The following MPHOSPH9 variants were observed in gnomAD, a reference collection of about 807,000 sequenced individuals.
The protein encoded by MPHOSPH9 is M-phase phosphoprotein 9.
Under a neutral mutation model 145.5 loss-of-function variants are expected in MPHOSPH9, and 88 were observed. That is an observed-to-expected ratio of 0.60 (90% CI 0.51 to 0.72). MPHOSPH9 has a LOEUF of 0.72. Among genes scored for constraint, MPHOSPH9 ranks in the 30% least tolerant of loss-of-function variants. MPHOSPH9 has a pLI of 0.00. For missense variants in MPHOSPH9, 1,238 were observed against 1,386.6 expected, an observed-to-expected ratio of 0.89 and a Z score of 1.70; for synonymous variants, 435 against 486.2, an observed-to-expected ratio of 0.89 and a Z score of 1.39.
intron 6 of MPHOSPH9, 55 bp downstream of exon 6, chr12:123,218,321 A>ATGAACACTCATG: frequency 6.2e-7 from 1 of 1,606,040 alleles, no homozygotes; most frequent in South Asian, 1.1e-5. Flanking sequence ...AGCGTGTACT[A>ATGAACACTCATG]AACCCACATA....
intron 16 of MPHOSPH9, among the ~76,000 whole-genome samples, chr12:123,169,803 G>A (rs1183176991): frequency 6.6e-6 from 1 of 151,776 alleles, no homozygotes; most frequent in African/African-American, 2.4e-5. Context: ...GTTTCACCAT[G>A]TTGGCCAAAC....
chr12:123,228,838 A>G (rs894617344), intron 2 of MPHOSPH9, among the ~76,000 whole-genome samples: 2 of 152,260 alleles, frequency 1.3e-5, no homozygotes, highest in Non-Finnish European at 2.9e-5. Flanking sequence ...AGGCACAGTT[A>G]GCTTCCTCCA....
At chr12:123,224,110 T>TTTTATATATATA (rs1555231852) in intron 3 of MPHOSPH9, among the ~76,000 whole-genome samples, 6 of 120,414 alleles carry the variant, frequency 5.0e-5, no homozygotes, top group East Asian at 5.8e-4. Context: ...AATTGCTAAT[T>TTTTATATATATA]TATATATATA....
intron 13 of MPHOSPH9, among the ~76,000 whole-genome samples, chr12:123,182,185 C>T (rs1196719303): frequency 6.6e-6 from 1 of 150,748 alleles, no homozygotes; most frequent in African/African-American, 2.4e-5. Flanking sequence ...ATGATCCGCC[C>T]GCCTCAGCCT....
chr12:123,164,033 G>A lies in MPHOSPH9; in HGVS notation c.2825C>T (p.Ala942Val), dbSNP rs1202417308. The A allele has an allele frequency of 6.2e-7, 1 of 1,613,950 alleles. No individual in the cohort carries two copies. The highest frequency in any genetic ancestry group is 8.5e-7 in the Non-Finnish European group (1 of 1,180,012). ...ATTAAGTCTCTTTTGTCTCTGTTGGGCACACTTTTCTGGAGAACGACTTGC... is the reference window on the plus strand; with the variant it reads ...ATTAAGTCTCTTTTGTCTCTGTTGGACACACTTTTCTGGAGAACGACTTGC... Reference protein sequence around the residue: ...VNASRSPEKCAQQRQKRLNSA... With the variant: ...VNASRSPEKCVQQRQKRLNSA... The change falls in exon 19 of 24, where the codon GCC (alanine) becomes GTC (valine). Residue 942 changes from alanine to valine, a missense_variant. Coordinates refer to ENST00000606320, the MANE Select transcript of MPHOSPH9 (RefSeq NM_022782.4).
chr12:123,236,235 TGA>T (rs1301964573), upstream of MPHOSPH9, among the ~76,000 whole-genome samples: 2 of 152,204 alleles, frequency 1.3e-5, no homozygotes, highest in African/African-American at 4.8e-5. Context: ...TAGGTCTTAC[TGA>T]GATAATCAGG....
Position 123,161,350 on chromosome 12 carries a change from T to C in MPHOSPH9, c.3167A>G (p.His1056Arg), listed in dbSNP as rs375073478. The C allele has an allele frequency of 5.6e-6, 9 of 1,614,102 alleles. No homozygotes were observed. The highest frequency in any genetic ancestry group is 1.6e-4 in the Middle Eastern group (1 of 6,062). Reference sequence around the variant, plus strand: ...TTCAGGGCAAGAGCTATGATTAACATGGTTATCGGTGGCTTTCTCAGAATA... The same window carrying C: ...TTCAGGGCAAGAGCTATGATTAACACGGTTATCGGTGGCTTTCTCAGAATA... Reference protein sequence around the residue: ...KTYSEKATDNHVNHSSCPEPV... With the variant: ...KTYSEKATDNRVNHSSCPEPV... The change falls in exon 22 of 24, where the codon CAT becomes CGT. Residue 1056 changes from histidine (H) to arginine (R), a missense_variant. His to Arg is a conservative substitution (Grantham distance 29). Around this residue, in one of 3 missense-constraint regions of MPHOSPH9, gnomAD observed 393 missense variants for 462.5 expected, o/e 0.85. Coordinates refer to ENST00000606320, the MANE Select transcript of MPHOSPH9 (RefSeq NM_022782.4).
At chr12:123,165,160 G>A (rs748268841) in intron 18 of MPHOSPH9, 142 bp downstream of exon 18, 103 of 666,158 alleles carry the variant, frequency 1.5e-4, no homozygotes, top group East Asian at 2.7e-4. Flanking sequence ...TCTATGAAAC[G>A]GGGCTGAAGT....
chr12:123,240,209 C>A (rs1430850230), intron 1 of MPHOSPH9, among the ~76,000 whole-genome samples: 48 of 135,006 alleles, frequency 3.6e-4, no homozygotes, highest in African/African-American at 1.2e-3. Flanking sequence ...ATTAAAAATA[C>A]AAAAAAAAAA....
chr12:123,231,461 C>T (rs2047630364), intron 1 of MPHOSPH9, among the ~76,000 whole-genome samples: 1 of 152,122 alleles, frequency 6.6e-6, no homozygotes, highest in Admixed American at 6.6e-5. Flanking sequence ...CCATAGCTTC[C>T]CCATTGTCTG....
intron 8 of MPHOSPH9, among the ~76,000 whole-genome samples, chr12:123,209,641 C>T (rs1457384911): frequency 6.6e-6 from 1 of 151,966 alleles, no homozygotes; most frequent in Non-Finnish European, 1.5e-5. Context: ...AACTCCTTAC[C>T]TCAGATGGTC....
At chr12:123,232,634 G>A (rs766875149) in intron 1 of MPHOSPH9, among the ~76,000 whole-genome samples, 1 of 152,256 alleles carries the variant, frequency 6.6e-6, no homozygotes, top group East Asian at 1.9e-4. Context: ...AGCCCGCAAT[G>A]GCTGGTGGCG....
At chr12:123,152,731 G>A (rs2043799664), downstream of MPHOSPH9, 2 of 352,726 alleles carry the variant, frequency 5.7e-6, no homozygotes, top group Non-Finnish European at 5.6e-6. Flanking sequence ...TCTTGGCAGG[G>A]CAGGAAATTA....
intron 16 of MPHOSPH9, among the ~76,000 whole-genome samples, chr12:123,167,511 G>A (rs1035433547): frequency 2.6e-5 from 4 of 152,150 alleles, no homozygotes; most frequent in Non-Finnish European, 5.9e-5. Context: ...CCTGCAACAT[G>A]CTCCTGTAAC....
intron 13 of MPHOSPH9, among the ~76,000 whole-genome samples, chr12:123,184,336 C>T (rs1437770149): frequency 6.6e-6 from 1 of 151,844 alleles, no homozygotes; most frequent in African/African-American, 2.4e-5. Context: ...TGAACAACCC[C>T]AGAAAAAAAA....
At chr12:123,220,717 C>T (rs1262352951) in intron 5 of MPHOSPH9, among the ~76,000 whole-genome samples, 2 of 151,962 alleles carry the variant, frequency 1.3e-5, no homozygotes, top group African/African-American at 4.8e-5. Flanking sequence ...GATTGCACCA[C>T]GGCACACCAG....
chr12:123,180,287 G>A (rs2045067930), intron 14 of MPHOSPH9, among the ~76,000 whole-genome samples: 1 of 152,144 alleles, frequency 6.6e-6, no homozygotes, highest in Admixed American at 6.5e-5. Flanking sequence ...ACCTCAGAAG[G>A]ATGGTAAAAC....
At chr12:123,184,125 G>T (rs916358697) in intron 13 of MPHOSPH9, among the ~76,000 whole-genome samples, 3 of 151,680 alleles carry the variant, frequency 2.0e-5, no homozygotes, top group Non-Finnish European at 4.4e-5. Flanking sequence ...AAGATTCCTC[G>T]AGCCCAGGGG....
At chr12:123,216,164 G>A (rs1367134757) in intron 6 of MPHOSPH9, among the ~76,000 whole-genome samples, 1 of 152,128 alleles carries the variant, frequency 6.6e-6, no homozygotes, top group African/African-American at 2.4e-5. Flanking sequence ...GGCTTTTCTA[G>A]AATAAAACTA....
Sources: gnomAD v4.1 joint callset for allele counts (sites outside exome capture counted in the v4.1 genomes callset) on GRCh38, gnomAD v4.1.1 for gene constraint, gnomAD v4.1.1 regional missense constraint, MANE v1.5 for transcripts, NCBI Gene and HGNC (gene_info 2026-07-23, HGNC 2026-07-21) for gene names.